Variants in CACNA1C observed in about 807,000 individuals in gnomAD.
The protein encoded by CACNA1C is calcium voltage-gated channel subunit alpha1 C, also known as voltage-dependent L-type calcium channel subunit alpha-1C.
A neutral mutation model predicts 229.0 loss-of-function variants in CACNA1C; 30 were observed. The ratio of observed to expected loss-of-function variants is 0.13; its 90% CI spans 0.10 to 0.18. CACNA1C has a LOEUF of 0.18. Ranked by LOEUF, CACNA1C falls within the 10% of genes least tolerant of loss-of-function variation. The pLI, the probability that CACNA1C is intolerant of heterozygous loss-of-function variation, is 1.00. For missense variants in CACNA1C, 1,658 were observed against 2,845.0 expected (o/e 0.58, Z 9.49); for synonymous variants, 1,114 against 1,132.5 (o/e 0.98, Z 0.33).
At chr12:2,227,977 C>T (rs1305261050) in intron 3 of CACNA1C, among the ~76,000 whole-genome samples, 5 of 152,190 alleles carry the variant, frequency 3.3e-5, no homozygotes, top group Admixed American at 2.6e-4. Flanking sequence ...TTGATGCAGT[C>T]TCTTCCCAGG....
At position 2,276,668 on chromosome 12, in the gene CACNA1C, G is replaced by A. The variant is rs375609890; in HGVS notation, c.477+156238G>A. 5.3e-5 allele frequency among the ~76,000 whole-genome samples: 8 copies of A among 152,334 alleles called. No individual in the cohort carries two copies. The East Asian group carries it at 1.5e-3, about 29-fold the overall frequency. On this transcript the variant is annotated intron_variant, in intron 3 of 46. Coordinates refer to ENST00000399655, the MANE Select transcript of CACNA1C (RefSeq NM_000719.7). ...TCTACACCTTAATTAGCATGGGTGT[G>A]TTTAGCAGAGTAATTGAGATCAGAG...
chr12:2,391,212 T>G (rs1462168831), intron 3 of CACNA1C, among the ~76,000 whole-genome samples: 7 of 152,080 alleles, frequency 4.6e-5, no homozygotes. Flanking sequence ...CAAAGGCCAT[T>G]TGGGGCATGT....
intron 3 of CACNA1C, among the ~76,000 whole-genome samples, chr12:2,258,859 A>G (rs1419029063): frequency 6.6e-6 from 1 of 152,256 alleles, no homozygotes; most frequent in Non-Finnish European, 1.5e-5. Flanking sequence ...TTAAGTTTTC[A>G]GGAGAGAAGA....
At chr12:2,674,980 T>C (rs1383174832) in intron 39 of CACNA1C, among the ~76,000 whole-genome samples, 1 of 152,208 alleles carries the variant, frequency 6.6e-6, no homozygotes. Flanking sequence ...CCACAAAGTA[T>C]AGGTTTCCCA....
intron 27 of CACNA1C, among the ~76,000 whole-genome samples, chr12:2,609,330 G>T (rs896572132): frequency 2.0e-5 from 3 of 152,024 alleles, no homozygotes; most frequent in Non-Finnish European, 4.4e-5. Context: ...GGCTCCCACT[G>T]GGAGGAGTCC....
rs770774627 is a variant in CACNA1C at position 2,653,891 on chromosome 12, C to T, written c.4131C>T (p.Ile1377=). The T allele has an allele frequency of 6.2e-6, 10 of 1,613,658 alleles. No individual in the cohort carries two copies. The East Asian group carries it at 6.7e-5, about 11-fold the overall frequency. ...TGCTGTTCTTCATCTACGCGGTGAT[C>T]GGGATGCAGGTAGGGAGGCTCCCAC... is the stretch of plus-strand genomic sequence containing the variant. ...IVMLFFIYAV[I]GMQVFGKIAL... The change falls in exon 33 of 47, where the codon ATC becomes ATT. Residue 1377 remains isoleucine, a synonymous_variant. Coordinates refer to ENST00000399655, the MANE Select transcript of CACNA1C (RefSeq NM_000719.7). This position sits in a 1 kb window ranked among gnomAD's most constrained non-coding sequence, Gnocchi z 4.7.
chr12:2,564,320 T>C (rs1461856268), intron 11 of CACNA1C, among the ~76,000 whole-genome samples: 1 of 152,204 alleles, frequency 6.6e-6, no homozygotes, highest in Non-Finnish European at 1.5e-5. Flanking sequence ...GGCTGCAGTG[T>C]GAGGTTTGAA....
chr12:2,268,779 C>T (rs751098445), intron 3 of CACNA1C, among the ~76,000 whole-genome samples: 19 of 152,144 alleles, frequency 1.2e-4, no homozygotes, highest in Non-Finnish European at 2.4e-4. Context: ...ACACCATCTG[C>T]CAAAGATGAT....
At chr12:2,452,767 G>A (rs1472545243) in intron 4 of CACNA1C, among the ~76,000 whole-genome samples, 1 of 152,190 alleles carries the variant, frequency 6.6e-6, no homozygotes, top group South Asian at 2.1e-4. Context: ...TCCCTTCACC[G>A]AATAGTATTT....
At chr12:2,455,624 C>T (rs894528755) in intron 4 of CACNA1C, among the ~76,000 whole-genome samples, 2 of 152,162 alleles carry the variant, frequency 1.3e-5, no homozygotes, top group African/African-American at 4.8e-5. Flanking sequence ...TCCCACTCCT[C>T]CCATGCTCTC....
intron 1 of CACNA1C, among the ~76,000 whole-genome samples, chr12:2,017,991 T>C (rs529323855): frequency 1.3e-5 from 2 of 152,328 alleles, no homozygotes; most frequent in Admixed American, 6.5e-5. Context: ...TTTAAAACCT[T>C]TGAAAACATA....
intron 11 of CACNA1C, among the ~76,000 whole-genome samples, chr12:2,560,665 G>A (rs1480987364): frequency 1.3e-5 from 2 of 152,100 alleles, no homozygotes; most frequent in Non-Finnish European, 2.9e-5. Context: ...CTGAAATTGG[G>A]AGGACTAGCT....
chr12:2,545,089 C>T (rs1334037987), intron 9 of CACNA1C, among the ~76,000 whole-genome samples: 2 of 152,154 alleles, frequency 1.3e-5, no homozygotes, highest in Non-Finnish European at 2.9e-5. Context: ...CTCCATCCAA[C>T]CCCTGAGCTG....
In CACNA1C at chr12:2,601,611, G is replaced by C. The variant is rs1277134616; in HGVS notation, c.2854-243G>C. 1.3e-5 allele frequency among the ~76,000 whole-genome samples: 2 copies of C among 152,228 alleles called. No individual in the cohort carries two copies. Among genetic ancestry groups the C allele is most frequent in the Non-Finnish European group, 2.9e-5 (2 of 68,042 alleles). Reference sequence around the variant, plus strand: ...TTTGAATGGAGGACTAAAGAGCCTGGCTTGGCCTGGCAGGTGCAAGGAGCC... The same window carrying C: ...TTTGAATGGAGGACTAAAGAGCCTGCCTTGGCCTGGCAGGTGCAAGGAGCC... On this transcript the variant is annotated intron_variant, in intron 21 of 46. Transcript: ENST00000399655. The surrounding 1 kb of genome is among the most constrained non-coding windows in gnomAD (Gnocchi z 5.9).
At chr12:2,625,099 C>G (rs1324612558) in intron 29 of CACNA1C, among the ~76,000 whole-genome samples, 2 of 152,132 alleles carry the variant, frequency 1.3e-5, no homozygotes, top group Non-Finnish European at 2.9e-5. Context: ...CCCGCTCCCC[C>G]CGCCCCCCAT....
chr12:2,192,308 C>T (rs2154299912), intron 3 of CACNA1C, among the ~76,000 whole-genome samples: 1 of 152,308 alleles, frequency 6.6e-6, no homozygotes. Flanking sequence ...CTTTGCTGCT[C>T]CCAAACAACT....
At chr12:2,343,566 C>G (rs2096923881) in intron 3 of CACNA1C, among the ~76,000 whole-genome samples, 1 of 152,072 alleles carries the variant, frequency 6.6e-6, no homozygotes, top group African/African-American at 2.4e-5. Context: ...ATCTGAAATT[C>G]AAATCTAGCT....
chr12:2,371,724 CTTTTTT>C (rs61627008), intron 3 of CACNA1C, among the ~76,000 whole-genome samples: 6 of 129,006 alleles, frequency 4.7e-5, no homozygotes, highest in African/African-American at 1.7e-4. Context: ...TGACATATGG[CTTTTTT>C]TTTTTTTTTT....
At chr12:2,040,347 G>A (rs549652186) in intron 1 of CACNA1C, among the ~76,000 whole-genome samples, 1 of 152,082 alleles carries the variant, frequency 6.6e-6, no homozygotes, top group East Asian at 1.9e-4. Flanking sequence ...ATGCATAGAA[G>A]TGACAGCAAA....
Sources: gnomAD v4.1 joint callset for allele counts (sites outside exome capture counted in the v4.1 genomes callset) on GRCh38, gnomAD v4.1.1 for gene constraint, Gnocchi (gnomAD v3.1) non-coding constraint, MANE v1.5 for transcripts, NCBI Gene and HGNC (gene_info 2026-07-23, HGNC 2026-07-21) for gene names.